CXorf66: variants seen among roughly 807,000 people sequenced by gnomAD.
CXorf66 encodes the protein uncharacterized protein CXorf66.
A neutral mutation model predicts 5.0 loss-of-function variants in CXorf66; 6 were observed. The observed-to-expected ratio is 1.20, with a 90% CI of 0.65 to 2.36. CXorf66 has a LOEUF of 2.36. Ranked by LOEUF, CXorf66 falls within the 30% of genes most tolerant of loss-of-function variation. The pLI, the probability that CXorf66 is intolerant of heterozygous loss-of-function variation, is 0.00. For synonymous variants in CXorf66, 98 were observed against 102.8 expected, an observed-to-expected ratio of 0.95 and a Z score of 0.28; for missense variants, 270 against 254.9, an observed-to-expected ratio of 1.06 and a Z score of -0.40.
intron 1 of CXorf66, among the ~76,000 whole-genome samples, chrX:139,962,844 C>T (rs1330794685): frequency 1.8e-5 from 2 of 111,845 alleles, no homozygotes; most frequent in African/African-American, 6.5e-5. Context: ...TCAATAGATG[C>T]AGCAAAGGCC....
chrX:139,957,035 G>A (rs755098504), intron 2 of CXorf66, among the ~76,000 whole-genome samples: 19 of 110,596 alleles, frequency 1.7e-4, no homozygotes, highest in Admixed American at 2.0e-4. Context: ...GTGTGGTGGC[G>A]CACACCTGTA....
At chrX:139,957,074 G>A (rs184308385) in intron 2 of CXorf66, among the ~76,000 whole-genome samples, 1,172 of 111,275 alleles carry the variant, frequency 0.011, 3 homozygotes, top group Non-Finnish European at 0.018. Context: ...GGCTGAGGCA[G>A]GAGAATCGTC....
chrX:139,960,050 G>C (rs1569496343), intron 1 of CXorf66, among the ~76,000 whole-genome samples: 1 of 110,209 alleles, frequency 9.1e-6, no homozygotes, highest in Non-Finnish European at 1.9e-5. Context: ...CTCCAGCAAG[G>C]GCACAAAACT....
intron 1 of CXorf66, among the ~76,000 whole-genome samples, chrX:139,964,248 C>T (rs1014159440): frequency 2.7e-5 from 3 of 111,486 alleles, no homozygotes; most frequent in Non-Finnish European, 3.8e-5. Flanking sequence ...AAAAAGTTGG[C>T]GAAGGATACG....
At chrX:139,959,830 G>A (rs1309119243) in intron 1 of CXorf66, among the ~76,000 whole-genome samples, 1 of 111,445 alleles carries the variant, frequency 9.0e-6, no homozygotes, top group Non-Finnish European at 1.9e-5. Flanking sequence ...GCAGAAGAGG[G>A]GCCTGATTGT....
At chrX:139,961,312 C>A (rs1425212218) in intron 1 of CXorf66, among the ~76,000 whole-genome samples, 2 of 111,208 alleles carry the variant, frequency 1.8e-5, no homozygotes, top group Non-Finnish European at 3.8e-5. Context: ...TTTAAACCAA[C>A]AAAGATCAAA....
chrX:139,956,965 A>T (rs2085576314), intron 2 of CXorf66, among the ~76,000 whole-genome samples: 1 of 111,157 alleles, frequency 9.0e-6, no homozygotes, highest in Admixed American at 9.7e-5. Context: ...CAGGAGTTCG[A>T]GACCAGGCTG....
At chrX:139,960,767 C>T (rs920273036) in intron 1 of CXorf66, among the ~76,000 whole-genome samples, 1 of 111,378 alleles carries the variant, frequency 9.0e-6, no homozygotes, top group Admixed American at 9.6e-5. Context: ...AGAGTGGGGG[C>T]CAATATTCAA....
intron 1 of CXorf66, among the ~76,000 whole-genome samples, chrX:139,959,388 T>A (rs1487186524): frequency 1.8e-5 from 2 of 112,057 alleles, no homozygotes; most frequent in Non-Finnish European, 3.8e-5. Flanking sequence ...GGGTAGGGCA[T>A]CTCTGAAAGA....
chrX:139,956,185 C>T lies in CXorf66; in HGVS notation c.797G>A (p.Cys266Tyr), dbSNP rs199917707. ...AAGATGTTTTTTCTTGTAGGGTTGA[C>T]AAGTTTCAGCTAATTCAGAGTTGGA... is the stretch of plus-strand genomic sequence containing the variant. ...LLSNSELAET[C>Y]QPYKKKHLVA... Residue 266 changes from cysteine to tyrosine, a missense_variant, in exon 3 of 3, where the codon TGT becomes TAT. Physicochemically the swap from Cys to Tyr is radical, Grantham distance 194. Transcript: ENST00000370540. 17 of 1,209,716 alleles carry T rather than the reference C, an allele frequency of 1.4e-5. No individual in the cohort carries two copies. Among genetic ancestry groups the T allele is most frequent in the Non-Finnish European group, 1.9e-5 (17 of 894,964 alleles).
chrX:139,955,889 T>C lies in CXorf66; in HGVS notation c.*7A>G. On this transcript the variant is annotated 3_prime_UTR_variant, in exon 3 of 3. Coordinates refer to ENST00000370540, the MANE Select transcript of CXorf66 (RefSeq NM_001013403.3). The stretch of plus-strand genomic sequence containing the variant: ...TTTCACACTTGGATTTTATTTTTGT[T>C]GAGCTCCTAATCATTTAGGGTTACT... 1 of 1,165,637 alleles carries C rather than the reference T, an allele frequency of 8.6e-7. No homozygotes were observed. Among genetic ancestry groups the C allele is most frequent in the Non-Finnish European group, 1.1e-6 (1 of 874,468 alleles).
At chrX:139,959,935 G>T (rs1481664775) in intron 1 of CXorf66, among the ~76,000 whole-genome samples, 2 of 111,862 alleles carry the variant, frequency 1.8e-5, no homozygotes, top group African/African-American at 6.5e-5. Flanking sequence ...TAGCCTCAAA[G>T]ATCAAAGGTA....
intron 1 of CXorf66, among the ~76,000 whole-genome samples, chrX:139,958,817 G>A (rs2085583131): frequency 8.9e-6 from 1 of 112,140 alleles, no homozygotes; most frequent in Non-Finnish European, 1.9e-5. Context: ...GCCTCACCTG[G>A]GAAGTGCAAG....
At chrX:139,961,480 T>A (rs2085593294) in intron 1 of CXorf66, among the ~76,000 whole-genome samples, 1 of 111,817 alleles carries the variant, frequency 8.9e-6, no homozygotes, top group Non-Finnish European at 1.9e-5. Flanking sequence ...ACAATAATAG[T>A]GGGAAACTTT....
chrX:139,964,705 A>G (rs1019543893), intron 1 of CXorf66, among the ~76,000 whole-genome samples: 7 of 112,003 alleles, frequency 6.2e-5, no homozygotes, highest in Non-Finnish European at 1.3e-4. Context: ...AATGTGGCAC[A>G]TATACACCAT....
Position 139,956,662 on chromosome X carries a change from G to C in CXorf66, c.320C>G (p.Pro107Arg), listed in dbSNP as rs375191784. 2.2e-5 allele frequency: 26 copies of C among 1,209,041 alleles called. No homozygotes were observed. The highest frequency in any genetic ancestry group is 4.6e-4 in the Middle Eastern group (2 of 4,375). Residue 107 changes from proline to arginine, a missense_variant, in exon 3 of 3, where the codon CCA (proline) becomes CGA (arginine). Coordinates refer to ENST00000370540, the MANE Select transcript of CXorf66 (RefSeq NM_001013403.3). ...AGTAGATAGCATGGGTTGTGTTTCTGGACTGCATTGAGAGGCTGTCTTGGC... is the reference window on the plus strand; with the variant it reads ...AGTAGATAGCATGGGTTGTGTTTCTCGACTGCATTGAGAGGCTGTCTTGGC... The part of the protein sequence containing the change: ...SEAKTASQCS[P>R]ETQPMLSTAD...
chrX:139,964,353 C>A (rs1926641737), intron 1 of CXorf66, among the ~76,000 whole-genome samples: 2 of 111,503 alleles, frequency 1.8e-5, no homozygotes, highest in African/African-American at 6.5e-5. Context: ...CAAATCAAAA[C>A]CACAATGAGA....
At chrX:139,964,522 G>C (rs1174817205) in intron 1 of CXorf66, among the ~76,000 whole-genome samples, 1 of 111,550 alleles carries the variant, frequency 9.0e-6, no homozygotes, top group Non-Finnish European at 1.9e-5. Flanking sequence ...CAAGGATCTA[G>C]AACCAGAAAT....
chrX:139,957,543 T>C (rs959530929), intron 2 of CXorf66, among the ~76,000 whole-genome samples: 1 of 111,963 alleles, frequency 8.9e-6, no homozygotes, highest in African/African-American at 3.2e-5. Flanking sequence ...ATTCATAACA[T>C]TCCTCTGAAA....
Sources: gnomAD v4.1 joint callset for allele counts (sites outside exome capture counted in the v4.1 genomes callset) on GRCh38, gnomAD v4.1.1 for gene constraint, MANE v1.5 for transcripts, NCBI Gene and HGNC (gene_info 2026-07-23, HGNC 2026-07-21) for gene names.